The following HNF4G variants were observed in gnomAD, a reference collection of about 807,000 sequenced individuals.
HNF4G encodes the protein hepatocyte nuclear factor 4-gamma.
In HNF4G, 21 loss-of-function variants were observed where a neutral mutation model predicts 50.9. That is an observed-to-expected ratio of 0.41 (90% confidence interval 0.29 to 0.59). The LOEUF (loss-of-function observed/expected upper bound fraction) is 0.59. HNF4G is among the 20% of genes least tolerant of loss of function. HNF4G has a pLI of 0.26. For synonymous variants in HNF4G, 198 were observed against 185.6 expected (o/e 1.07, Z -0.54); for missense variants, 527 against 559.4 (o/e 0.94, Z 0.58).
Position 75,560,472 on chromosome 8 carries a change from T to C in HNF4G, c.1246+6T>C, listed in dbSNP as rs1807276609. 6.2e-7 allele frequency: 1 copy of C among 1,604,878 alleles called. No individual in the cohort carries two copies. Among genetic ancestry groups the C allele is most frequent in the African/African-American group, 1.3e-5 (1 of 74,468 alleles). ...GGTTCATGCAGACCAGATCTGTAAG[T>C]TTATAGACTACTTTTCAACCAAGAT... On this transcript the variant is annotated splice_donor_region_variant and intron_variant, in intron 9 of 9. Coordinates refer to ENST00000396423, the MANE Select transcript of HNF4G (RefSeq NM_004133.5).
chr8:75,524,858 G>A (rs1160065510), intron 2 of HNF4G, among the ~76,000 whole-genome samples: 1 of 152,148 alleles, frequency 6.6e-6, no homozygotes, highest in Non-Finnish European at 1.5e-5. Context: ...TAGTATATGG[G>A]TTATTTGAAG....
chr8:75,415,554 A>G (rs1810613839), intron 1 of HNF4G, among the ~76,000 whole-genome samples: 1 of 152,186 alleles, frequency 6.6e-6, no homozygotes, highest in South Asian at 2.1e-4. Flanking sequence ...AATACTAATA[A>G]ATATCAATAC....
chr8:75,546,891 T>C (rs2130794075), intron 2 of HNF4G, among the ~76,000 whole-genome samples: 1 of 152,298 alleles, frequency 6.6e-6, no homozygotes, highest in East Asian at 1.9e-4. Flanking sequence ...AGACCTAGCA[T>C]GGCATCGCTG....
chr8:75,526,748 T>C (rs1006095619), intron 2 of HNF4G, among the ~76,000 whole-genome samples: 2 of 147,126 alleles, frequency 1.4e-5, no homozygotes, highest in Non-Finnish European at 3.0e-5. Flanking sequence ...CACTCTTCAG[T>C]TGCCCAGGTT....
chr8:75,465,108 G>A (rs908781291), intron 1 of HNF4G, among the ~76,000 whole-genome samples: 1 of 152,106 alleles, frequency 6.6e-6, no homozygotes, highest in Non-Finnish European at 1.5e-5. Context: ...TTCCTAAGAT[G>A]TCAGTAAGGG....
chr8:75,547,574 C>G lies in HNF4G; in HGVS notation c.288-13C>G, dbSNP rs1806822982. 3 of 1,553,164 alleles carry G rather than the reference C, an allele frequency of 1.9e-6. No homozygotes were observed. Among genetic ancestry groups the G allele is most frequent in the Admixed American group, 1.7e-5 (1 of 59,246 alleles). On this transcript the variant is annotated splice_polypyrimidine_tract_variant and intron_variant, in intron 2 of 9. Transcript: ENST00000396423. The stretch of plus-strand genomic sequence containing the variant: ...TATAGTTTTCTGCAAACTGATATAT[C>G]TTTATGTTATAGGTTCAGTCGGCAA...
intron 2 of HNF4G, among the ~76,000 whole-genome samples, chr8:75,498,545 A>C (rs2130699828): frequency 6.6e-6 from 1 of 152,260 alleles, no homozygotes; most frequent in South Asian, 2.1e-4. Context: ...AACACAACTT[A>C]TTATATGAGG....
chr8:75,429,710 G>A (rs768741853), intron 1 of HNF4G, among the ~76,000 whole-genome samples: 11 of 152,100 alleles, frequency 7.2e-5, no homozygotes, highest in Admixed American at 2.0e-4. Context: ...AAGCAGAAAG[G>A]CCGATCAGGT....
At chr8:75,419,993 G>A (rs1375746370) in intron 1 of HNF4G, among the ~76,000 whole-genome samples, 4 of 151,960 alleles carry the variant, frequency 2.6e-5, no homozygotes, top group Admixed American at 6.6e-5. Context: ...CTGGCACTTG[G>A]TAGTTGCTTA....
chr8:75,448,270 C>A (rs1410581926), intron 1 of HNF4G, among the ~76,000 whole-genome samples: 1 of 113,070 alleles, frequency 8.8e-6, no homozygotes, highest in African/African-American at 3.5e-5. Flanking sequence ...ATACCACACT[C>A]TGGGGACTGT....
At chr8:75,547,989 ATT>A (rs34854066) in intron 3 of HNF4G, among the ~76,000 whole-genome samples, 1,677 of 140,154 alleles carry the variant, frequency 0.012, 22 homozygotes, top group Admixed American at 0.04. Context: ...GAAATTACAG[ATT>A]TTTTTTTTTT....
chr8:75,428,572 A>G (rs1487014261), intron 1 of HNF4G, among the ~76,000 whole-genome samples: 1 of 152,190 alleles, frequency 6.6e-6, no homozygotes, highest in African/African-American at 2.4e-5. Context: ...AGCTTCACTG[A>G]GAAAGTTGTA....
rs866348963 is a variant in HNF4G, at chr8:75,417,362, A to G, written c.-144+9200A>G. On this transcript the variant is annotated intron_variant, in intron 1 of 10. Coordinates refer to the HNF4G transcript ENST00000354370. ...ATACTAAATGCTTCACATATATTAA[A>G]TTGTTTAATTCTTTCAATAACTCTA... Among the ~76,000 whole-genome samples the G allele has an allele frequency of 6.8e-4, 104 of 152,294 alleles. 1 individual carries two copies. The highest frequency in any genetic ancestry group is 2.4e-3 in the African/African-American group (101 of 41,554).
chr8:75,488,358 T>C (rs1812541498), intron 1 of HNF4G, among the ~76,000 whole-genome samples: 1 of 152,088 alleles, frequency 6.6e-6, no homozygotes. Context: ...ACTGCAACCT[T>C]TGCCTCCCAG....
chr8:75,551,317 C>A, intron 3 of HNF4G, 71 bp from the exon 4 acceptor site: 34 of 771,972 alleles, frequency 4.4e-5, no homozygotes, highest in South Asian at 7.4e-5. Flanking sequence ...AAAAAAAAAA[C>A]TCCTTAAAAT....
At chr8:75,514,826 A>G (rs1266433469) in intron 2 of HNF4G, among the ~76,000 whole-genome samples, 12 of 151,842 alleles carry the variant, frequency 7.9e-5, no homozygotes, top group Non-Finnish European at 1.6e-4. Context: ...ATTCTTTTTC[A>G]AAATTATTTT....
chr8:75,498,493 C>T (rs1326600418), intron 2 of HNF4G, among the ~76,000 whole-genome samples: 1 of 151,946 alleles, frequency 6.6e-6, no homozygotes, highest in East Asian at 1.9e-4. Flanking sequence ...GACAAATTGT[C>T]ACAAATCCTT....
chr8:75,549,290 G>A (rs879772979), intron 3 of HNF4G, among the ~76,000 whole-genome samples: 3 of 152,142 alleles, frequency 2.0e-5, no homozygotes, highest in Non-Finnish European at 2.9e-5. Context: ...ATAGTTTTAT[G>A]TCAAAAATGA....
upstream of HNF4G, among the ~76,000 whole-genome samples, chr8:75,535,327 A>C (rs1394563626): frequency 2.0e-5 from 3 of 149,078 alleles, no homozygotes; most frequent in South Asian, 4.2e-4. Context: ...TGGTTAGATT[A>C]GGACAGTGGC....
Sources: allele counts gnomAD v4.1 joint callset (sites outside exome capture counted in the v4.1 genomes callset), GRCh38; gene constraint gnomAD v4.1.1; transcripts MANE v1.5; gene names NCBI Gene and HGNC (gene_info 2026-07-23, HGNC 2026-07-21).